ZNF273: variants seen among roughly 807,000 people sequenced by gnomAD.
ZNF273 encodes the protein zinc finger protein 9.
Under a neutral mutation model 14.9 loss-of-function variants are expected in ZNF273, and 11 were observed. The ratio of observed to expected loss-of-function variants is 0.74; its 90% CI spans 0.46 to 1.22. ZNF273 has a LOEUF of 1.22. Among genes scored for constraint, ZNF273 ranks in the 50% most tolerant of loss-of-function variants. The pLI is 0.00. For missense variants in ZNF273, 577 were observed against 660.6 expected, an observed-to-expected ratio of 0.87 and a Z score of 1.39; for synonymous variants, 199 against 223.9, an observed-to-expected ratio of 0.89 and a Z score of 0.99.
chr7:64,924,038 T>C (rs922583917), intron 3 of ZNF273: 3 of 151,706 alleles, frequency 2.0e-5, no homozygotes, highest in Non-Finnish European at 4.4e-5. Flanking sequence ...CATTAAATCT[T>C]GTAGATTACA....
downstream of ZNF273, among the ~76,000 whole-genome samples, chr7:64,932,291 AAT>A (rs1795006042): frequency 6.6e-6 from 1 of 151,908 alleles, no homozygotes; most frequent in South Asian, 2.1e-4. Context: ...TTTGCTAGAA[AAT>A]ATGTTAGAAA....
At chr7:64,904,378 C>T (rs1283879570) in intron 1 of ZNF273, among the ~76,000 whole-genome samples, 2 of 152,224 alleles carry the variant, frequency 1.3e-5, no homozygotes, top group East Asian at 3.9e-4. Context: ...GCGTGAGCCA[C>T]CGCGCCCGGC....
At chr7:64,924,087 G>A (rs1794656455) in intron 3 of ZNF273, 1 of 150,972 alleles carries the variant, frequency 6.6e-6, no homozygotes, top group Non-Finnish European at 1.5e-5. Context: ...TTCAACTTTT[G>A]AACAAAAGCA....
chr7:64,933,057 C>T (rs956555852), downstream of ZNF273, among the ~76,000 whole-genome samples: 12 of 152,052 alleles, frequency 7.9e-5, no homozygotes, highest in African/African-American at 2.4e-4. Context: ...CTGCAACCTT[C>T]GCCTCCCAGG....
At chr7:64,886,864 T>A (rs6970057) in intron 1 of ZNF273, among the ~76,000 whole-genome samples, 141 of 152,252 alleles carry the variant, frequency 9.3e-4, no homozygotes, top group Non-Finnish European at 1.7e-3. Flanking sequence ...AGAATGAAAA[T>A]GGAAAACATA....
At chr7:64,912,826 G>GTTTTGTTTTTTTTTT (rs746174998) in intron 1 of ZNF273, among the ~76,000 whole-genome samples, 1 of 36,576 alleles carries the variant, frequency 2.7e-5, no homozygotes, top group Non-Finnish European at 5.7e-5. Context: ...ATTCATTTTA[G>GTTTTGTTTTTTTTTT]TTTTTTTTTT....
chr7:64,877,615 C>A (rs1404440903), upstream of ZNF273: 1 of 152,266 alleles, frequency 6.6e-6, no homozygotes, highest in African/African-American at 2.4e-5. Flanking sequence ...TGTTGCCTGG[C>A]GACGGGTCCC....
upstream of ZNF273, among the ~76,000 whole-genome samples, chr7:64,898,720 T>C (rs1011267311): frequency 6.6e-6 from 1 of 152,206 alleles, no homozygotes. Context: ...GTATTCACAT[T>C]GAGTCACTTA....
chr7:64,934,041 C>T (rs570711294), downstream of ZNF273, among the ~76,000 whole-genome samples: 33 of 152,108 alleles, frequency 2.2e-4, no homozygotes, highest in Non-Finnish European at 4.3e-4. Flanking sequence ...ATTACAGGCA[C>T]CCACAACTAT....
At chr7:64,935,842 T>C (rs1486136500), downstream of ZNF273, among the ~76,000 whole-genome samples, 3 of 152,066 alleles carry the variant, frequency 2.0e-5, no homozygotes, top group East Asian at 5.8e-4. Context: ...TCTCTTAGTT[T>C]AACAAGATAA....
intron 1 of ZNF273, among the ~76,000 whole-genome samples, chr7:64,917,377 G>T (rs1417798034): frequency 6.6e-6 from 1 of 152,106 alleles, no homozygotes; most frequent in Non-Finnish European, 1.5e-5. Flanking sequence ...AACTGCTATT[G>T]TGGATCTTAT....
rs756913523 is a variant in ZNF273 at position 64,928,750 on chromosome 7, T to G, written c.1422T>G (p.Thr474=). ...CCTTTAGGGCATTCTCAACCCTTAC[T>G]GAACATAAGAGAGTTCATACTGGAG... ...GSAFRAFSTL[T]EHKRVHTGEK... is the part of the protein sequence containing the mutation. Residue 474 remains threonine (T), a synonymous_variant, in exon 4 of 4, where the codon ACT becomes ACG. Transcript: ENST00000476120. 1.9e-6 allele frequency: 3 copies of G among 1,613,418 alleles called. No individual in the cohort carries two copies. The highest frequency in any genetic ancestry group is 2.5e-6 in the Non-Finnish European group (3 of 1,179,786).
chr7:64,928,167 A>G lies in ZNF273; in HGVS notation c.839A>G (p.His280Arg). ...AACCAGTCCTTAACTCTTACTAAAC[A>G]TAAAAAAATTCATACTGAAGAGAAA... ...AFNQSLTLTK[H>R]KKIHTEEKPY... Residue 280 changes from histidine to arginine, a missense_variant, in exon 4 of 4, where the codon CAT becomes CGT. Around this residue, in one of 3 missense-constraint regions of ZNF273, gnomAD observed 411 missense variants for 440.4 expected, o/e 0.93. Coordinates refer to ENST00000476120, the MANE Select transcript of ZNF273 (RefSeq NM_021148.3). 6.2e-7 allele frequency: 1 copy of G among 1,613,220 alleles called. No individual in the cohort carries two copies. The highest frequency in any genetic ancestry group is 8.5e-7 in the Non-Finnish European group (1 of 1,179,730).
intron 3 of ZNF273, among the ~76,000 whole-genome samples, chr7:64,896,859 G>C (rs959239231): frequency 6.6e-6 from 1 of 151,942 alleles, no homozygotes; most frequent in African/African-American, 2.4e-5. Context: ...AAGGGGAAGT[G>C]GATTCCTCAC....
Position 64,930,215 on chromosome 7 carries a change from C to T in ZNF273, c.*1177C>T, listed in dbSNP as rs1024177177. On this transcript the variant is annotated 3_prime_UTR_variant, in exon 4 of 4. Transcript: ENST00000476120. ...TTCACATGTGAAAGCATGTGATCAA[C>T]TTGCTGCATCAAAGATATGAGATTT... 1 of 152,020 alleles carries T rather than the reference C, an allele frequency of 6.6e-6. No homozygotes were observed. Among genetic ancestry groups the T allele is most frequent in the Non-Finnish European group, 1.5e-5 (1 of 68,030 alleles). The allele number at this position is 152,020 out of a possible 1,614,324, so 9.4% of individuals were successfully genotyped here.
rs527452410 is a variant in ZNF273, at chr7:64,925,548, C to T, written c.326-2106C>T. ...TGTTTCCCAGGTTCAAACAATTCTC[C>T]TGCCTCAGCCTCCTGAGTAGCTGGG... On this transcript the variant is annotated intron_variant, in intron 3 of 3. Transcript: ENST00000476120. 1.7e-4 allele frequency among the ~76,000 whole-genome samples: 26 copies of T among 152,262 alleles called. No homozygotes were observed. In the East Asian group the frequency reaches 4.8e-3, roughly 28 times the overall value.
chr7:64,888,236 G>A (rs1367924406), intron 1 of ZNF273: 1 of 935,174 alleles, frequency 1.1e-6, no homozygotes, highest in East Asian at 1.2e-4. Context: ...CCACCCTCCA[G>A]CCAGAGGAGG....
intron 1 of ZNF273, among the ~76,000 whole-genome samples, chr7:64,885,646 G>A (rs1291456820): frequency 6.6e-6 from 1 of 152,214 alleles, no homozygotes; most frequent in Non-Finnish European, 1.5e-5. Context: ...AGGAGAGAAG[G>A]AGAGGAAGTG....
intron 1 of ZNF273, among the ~76,000 whole-genome samples, chr7:64,903,865 T>C (rs1181831780): frequency 6.6e-6 from 1 of 152,210 alleles, no homozygotes; most frequent in Non-Finnish European, 1.5e-5. Context: ...CTGTGGTTTG[T>C]AGTTTGTGGT....
Sources: gnomAD v4.1 joint callset for allele counts (sites outside exome capture counted in the v4.1 genomes callset) on GRCh38, gnomAD v4.1.1 for gene constraint, gnomAD v4.1.1 regional missense constraint, MANE v1.5 for transcripts, NCBI Gene and HGNC (gene_info 2026-07-23, HGNC 2026-07-21) for gene names.